Variants in BCOR observed in about 807,000 individuals in gnomAD.
The protein encoded by BCOR is BCL-6 corepressor.
BCOR carries 10 observed loss-of-function variants against 86.7 expected under a neutral mutation model. The observed-to-expected ratio is 0.12, with a 90% confidence interval of 0.07 to 0.20. The LOEUF (loss-of-function observed/expected upper bound fraction) is 0.20, where lower values mean the gene tolerates loss of function less well. Among genes scored for constraint, BCOR ranks in the 10% least tolerant of loss-of-function variants. The pLI, the probability that BCOR is intolerant of heterozygous loss-of-function variation, is 1.00. For missense variants in BCOR, 1,259 were observed against 1,452.1 expected (o/e 0.87, Z 2.16); for synonymous variants, 611 against 609.0 (o/e 1.00, Z -0.05).
intron 1 of BCOR, among the ~76,000 whole-genome samples, chrX:40,173,190 TCTCTGGTCAATCCAGGCCCTATCTCTCC>T (rs1416116934): frequency 1.5e-4 from 17 of 111,940 alleles, no homozygotes; most frequent in South Asian, 3.7e-4. Flanking sequence ...CCTATTTCTC[TCTCTGGTCAATCCAGGCCCTATCTCTCC>T]CTCTGGTCAA....
intron 1 of BCOR, among the ~76,000 whole-genome samples, chrX:40,162,051 A>G (rs1466496047): frequency 9.0e-6 from 1 of 111,483 alleles, no homozygotes; most frequent in African/African-American, 3.3e-5. Flanking sequence ...CCTGCAGATG[A>G]GAGGTAACAA....
intron 1 of BCOR, among the ~76,000 whole-genome samples, chrX:40,115,514 G>A (rs1455526015): frequency 1.8e-5 from 2 of 108,926 alleles, no homozygotes; most frequent in East Asian, 2.9e-4. Context: ...GGTGGCTCAC[G>A]CCTGTAATCC....
intron 1 of BCOR, among the ~76,000 whole-genome samples, chrX:40,110,901 C>T (rs978006888): frequency 1.9e-5 from 2 of 108,006 alleles, no homozygotes; most frequent in African/African-American, 6.7e-5. Context: ...CTAGTAGAGA[C>T]GGGGTTTCAC....
chrX:40,136,283 C>T (rs145961712), intron 1 of BCOR, among the ~76,000 whole-genome samples: 173 of 112,033 alleles, frequency 1.5e-3, no homozygotes, highest in African/African-American at 5.6e-3. Context: ...GACCAGTGAA[C>T]CACAGGTGAC....
chrX:40,162,602 G>T (rs756801692), intron 1 of BCOR, among the ~76,000 whole-genome samples: 1 of 111,616 alleles, frequency 9.0e-6, no homozygotes, highest in Non-Finnish European at 1.9e-5. Context: ...TGCCTCCAAA[G>T]TCTTACTGAA....
chrX:40,054,053 G>A lies in BCOR; in HGVS notation c.4820-11C>T, dbSNP rs2146866400. 1 of 1,209,213 alleles carries A rather than the reference G, an allele frequency of 8.3e-7. No homozygotes were observed. Among genetic ancestry groups the A allele is most frequent in the Non-Finnish European group, 1.1e-6 (1 of 893,623 alleles). On this transcript the variant is annotated splice_polypyrimidine_tract_variant and intron_variant, in intron 13 of 14. Transcript: ENST00000378444. ...TTTCATCATCTGGTTCTAATGGAGGGCAAATAAGAGAGGAAGGAATCAGTA... is the reference window on the plus strand; with the variant it reads ...TTTCATCATCTGGTTCTAATGGAGGACAAATAAGAGAGGAAGGAATCAGTA...
chrX:40,154,237 G>GCCCCTCCCCCTCCTCGC (rs1337825391), intron 1 of BCOR, among the ~76,000 whole-genome samples: 3 of 100,010 alleles, frequency 3.0e-5, no homozygotes, highest in Non-Finnish European at 4.1e-5. Flanking sequence ...TGGCCTGCCC[G>GCCCCTCCCCCTCCTCGC]CCCCTCCCCC....
chrX:40,160,187 C>A (rs1456974136), intron 1 of BCOR, among the ~76,000 whole-genome samples: 3 of 109,380 alleles, frequency 2.7e-5, no homozygotes, highest in East Asian at 5.8e-4. Context: ...GCGATCTCGG[C>A]TCACTGCAAG....
Position 40,074,471 on chromosome X carries a change from C to A in BCOR, c.875G>T (p.Gly292Val). The A allele has an allele frequency of 8.3e-7, 1 of 1,205,940 alleles. No homozygotes were observed. The highest frequency in any genetic ancestry group is 3.0e-5 in the East Asian group (1 of 33,634). The change falls in exon 4 of 15, where the codon GGC (glycine) becomes GTC (valine). Residue 292 changes from glycine (G) to valine (V), a missense_variant. Coordinates refer to ENST00000378444, the MANE Select transcript of BCOR (RefSeq NM_001123385.2). ...CADKSLPWKM[G>V]VSPGNPVDSH... Reference sequence around the variant, plus strand: ...ATCAACAGGATTCCCAGGGCTGACGCCCATCTTCCACGGGAGGCTTTTGTC... The same window carrying A: ...ATCAACAGGATTCCCAGGGCTGACGACCATCTTCCACGGGAGGCTTTTGTC...
chrX:40,055,206 A>G (rs889571374), intron 12 of BCOR, among the ~76,000 whole-genome samples, 162 bp downstream of exon 12: 1 of 112,776 alleles, frequency 8.9e-6, no homozygotes, highest in East Asian at 2.8e-4. Flanking sequence ...TAGCTTCACT[A>G]GAACAAAGTC....
At chrX:40,056,066 T>A (rs1293123398) in intron 11 of BCOR, among the ~76,000 whole-genome samples, 1 of 109,756 alleles carries the variant, frequency 9.1e-6, no homozygotes, top group African/African-American at 3.3e-5. Context: ...GTGATCCTCC[T>A]GCCTCGGCCT....
At chrX:40,174,576 G>A (rs770746191) in intron 1 of BCOR, among the ~76,000 whole-genome samples, 1 of 112,961 alleles carries the variant, frequency 8.9e-6, no homozygotes, top group Non-Finnish European at 1.9e-5. Flanking sequence ...GACTGTAAAA[G>A]CCAAAACGCA....
intron 1 of BCOR, among the ~76,000 whole-genome samples, chrX:40,123,513 C>T (rs373848346): frequency 9.0e-6 from 1 of 110,642 alleles, no homozygotes; most frequent in African/African-American, 3.3e-5. Flanking sequence ...TCACCATGCC[C>T]GGCTAAGTTT....
chrX:40,176,548 T>C lies in BCOR; in HGVS notation c.-41+459A>G, dbSNP rs777464754. 6.2e-5 allele frequency among the ~76,000 whole-genome samples: 7 copies of C among 112,608 alleles called. No individual in the cohort carries two copies. The South Asian group carries it at 2.5e-3, about 41-fold the overall frequency. ...GACGCCCTCGCAGCCTCCGCGTCGG[T>C]TCCGCTCTCGCCCCGGGAGCCCGCT... On this transcript the variant is annotated intron_variant, in intron 1 of 14. Coordinates refer to the BCOR transcript ENST00000342274.
intron 1 of BCOR, among the ~76,000 whole-genome samples, chrX:40,150,121 A>T (rs1157249275): frequency 1.8e-5 from 2 of 112,464 alleles, no homozygotes; most frequent in Non-Finnish European, 3.8e-5. Flanking sequence ...AACATGTATT[A>T]CTCTCTTCTT....
At chrX:40,171,863 C>T (rs767287619) in intron 1 of BCOR, among the ~76,000 whole-genome samples, 1 of 113,259 alleles carries the variant, frequency 8.8e-6, no homozygotes, top group African/African-American at 3.2e-5. Flanking sequence ...TTTCAAGGTT[C>T]CGGGAAAGGC....
At chrX:40,110,027 C>CT (rs1423091732) in intron 1 of BCOR, among the ~76,000 whole-genome samples, 10 of 112,443 alleles carry the variant, frequency 8.9e-5, no homozygotes, top group African/African-American at 3.2e-4. Context: ...CTTCCACACT[C>CT]TAAGAGAAAT....
At chrX:40,054,542 G>C (rs914565403) in intron 12 of BCOR, among the ~76,000 whole-genome samples, 1 of 104,509 alleles carries the variant, frequency 9.6e-6, no homozygotes, top group Admixed American at 1.0e-4. Context: ...CTGTTGCCCA[G>C]GCTGGAGTGC....
chrX:40,055,241 C>T (rs1569141115), intron 12 of BCOR, 127 bp downstream of exon 12: 2 of 671,351 alleles, frequency 3.0e-6, no homozygotes, highest in Non-Finnish European at 2.3e-6. Flanking sequence ...TTCAAACACT[C>T]GGCTGCTCTC....
Sources: gnomAD v4.1 joint callset for allele counts (sites outside exome capture counted in the v4.1 genomes callset) on GRCh38, gnomAD v4.1.1 for gene constraint, MANE v1.5 for transcripts, NCBI Gene and HGNC (gene_info 2026-07-23, HGNC 2026-07-21) for gene names.